Variants in ACACA observed in about 807,000 individuals in gnomAD.
ACACA encodes the protein acetyl-CoA carboxylase 1.
In ACACA, 103 loss-of-function variants were observed where a neutral mutation model predicts 296.1. That is an observed-to-expected ratio of 0.35 (90% CI 0.30 to 0.41). ACACA has a LOEUF of 0.41. Ranked by LOEUF, ACACA falls within the 10% of genes least tolerant of loss-of-function variation. The pLI, the probability that ACACA is intolerant of heterozygous loss-of-function variation, is 1.00. For missense variants in ACACA, 1,554 were observed against 2,989.7 expected (o/e 0.52, Z 11.20); for synonymous variants, 953 against 1,038.6 (o/e 0.92, Z 1.58).
At chr17:37,254,458 G>A (rs1471886636) in intron 14 of ACACA, among the ~76,000 whole-genome samples, 1 of 151,946 alleles carries the variant, frequency 6.6e-6, no homozygotes, top group African/African-American at 2.4e-5. Flanking sequence ...ACTGTCTTCT[G>A]GGATACCTTC....
intron 1 of ACACA, among the ~76,000 whole-genome samples, chr17:37,383,228 A>G (rs1568084527): frequency 1.3e-5 from 2 of 152,164 alleles, no homozygotes; most frequent in Non-Finnish European, 1.5e-5. Context: ...AGTGCTAGGC[A>G]TTGTGAGACT....
rs765019583 is a variant in ACACA at position 37,097,020 on chromosome 17, A to G, written c.6867T>C (p.Phe2289=). 1 of 1,614,150 alleles carries G rather than the reference A, an allele frequency of 6.2e-7. No individual in the cohort carries two copies. Residue 2289 remains phenylalanine (F), a synonymous_variant, in exon 54 of 56, where the codon TTT becomes TTC. Transcript: ENST00000616317. The surrounding 1 kb of genome is among the most constrained non-coding windows in gnomAD (Gnocchi z 4.8). ...GQIQAMLRRW[F]VEVEGTVKAY... ...CCTTCACTGTTCCTTCCACTTCCAC[A>G]AACCAGCGCCTTAACATGGCTTGAA...
At chr17:37,171,528 A>G (rs1241611952) in intron 41 of ACACA, among the ~76,000 whole-genome samples, 1 of 152,228 alleles carries the variant, frequency 6.6e-6, no homozygotes, top group Non-Finnish European at 1.5e-5. Flanking sequence ...ATAATACAAT[A>G]TGGAAAGGCA....
intron 1 of ACACA, among the ~76,000 whole-genome samples, chr17:37,351,571 G>A (rs908953642): frequency 6.6e-6 from 1 of 152,190 alleles, no homozygotes; most frequent in African/African-American, 2.4e-5. Context: ...TTAATTCCAT[G>A]CTACTCTGAT....
chr17:37,344,569 T>A (rs571917556), intron 1 of ACACA, among the ~76,000 whole-genome samples: 77 of 150,396 alleles, frequency 5.1e-4, no homozygotes, highest in South Asian at 4.2e-4. Flanking sequence ...AAAAAATAAA[T>A]AAAAATAAAT....
At chr17:37,167,572 G>C (rs1376100715) in intron 41 of ACACA, among the ~76,000 whole-genome samples, 1 of 151,744 alleles carries the variant, frequency 6.6e-6, no homozygotes, top group Non-Finnish European at 1.5e-5. Flanking sequence ...ACCTGCCTCG[G>C]CCTCCCAAAG....
At chr17:37,223,397 C>T in intron 28 of ACACA, 115 bp downstream of exon 28, 1 of 838,232 alleles carries the variant, frequency 1.2e-6, no homozygotes, top group South Asian at 1.4e-5. Flanking sequence ...GACTAACTAC[C>T]CTTAAGAACC....
At chr17:37,393,603 G>C (rs2050971362) in intron 1 of ACACA, among the ~76,000 whole-genome samples, 1 of 152,098 alleles carries the variant, frequency 6.6e-6, no homozygotes, top group African/African-American at 2.4e-5. Flanking sequence ...AGCACCTTGG[G>C]AGGCCGAGGT....
chr17:37,378,706 T>A (rs1213491656), intron 1 of ACACA, among the ~76,000 whole-genome samples: 1 of 151,874 alleles, frequency 6.6e-6, no homozygotes, highest in African/African-American at 2.4e-5. Context: ...AGAGCAAAAC[T>A]CTGGGCAACA....
intron 35 of ACACA, among the ~76,000 whole-genome samples, chr17:37,194,043 CA>C (rs1012340413): frequency 5.3e-5 from 8 of 150,158 alleles, no homozygotes; most frequent in Non-Finnish European, 1.0e-4. Context: ...GGGCATTATA[CA>C]AAAAAAAACC....
In ACACA at chr17:37,145,361, C is replaced by T. The variant is rs1052707189; in HGVS notation, c.5679+4503G>A. On this transcript the variant is annotated intron_variant, in intron 45 of 55. Transcript: ENST00000616317. ...TTCAAGCAGGGTAATTTGCCACACACATCAGGTCTGCCACGCAGTGAGGCA... is the reference window on the plus strand; with the variant it reads ...TTCAAGCAGGGTAATTTGCCACACATATCAGGTCTGCCACGCAGTGAGGCA... Among the ~76,000 whole-genome samples the T allele has an allele frequency of 2.6e-5, 4 of 152,310 alleles. No homozygotes were observed. The South Asian group carries it at 8.3e-4, about 32-fold the overall frequency.
At chr17:37,112,699 G>A (rs993148923) in intron 51 of ACACA, among the ~76,000 whole-genome samples, 2 of 152,232 alleles carry the variant, frequency 1.3e-5, no homozygotes, top group Non-Finnish European at 2.9e-5. Context: ...GGACAAGAGA[G>A]AAGCGGGCGG....
At chr17:37,178,583 C>A (rs1598081302) in intron 41 of ACACA, among the ~76,000 whole-genome samples, 1 of 152,114 alleles carries the variant, frequency 6.6e-6, no homozygotes, top group Admixed American at 6.6e-5. Flanking sequence ...CTGAGGCAGG[C>A]AGATTGCTTG....
intron 27 of ACACA, among the ~76,000 whole-genome samples, chr17:37,224,278 C>G (rs1225333251): frequency 6.6e-6 from 1 of 152,102 alleles, no homozygotes; most frequent in Non-Finnish European, 1.5e-5. Flanking sequence ...AGTTGAAACC[C>G]TAGATTTCAG....
intron 1 of ACACA, among the ~76,000 whole-genome samples, chr17:37,347,291 G>A (rs2048670848): frequency 6.6e-6 from 1 of 152,118 alleles, no homozygotes; most frequent in African/African-American, 2.4e-5. Context: ...AGGTCTCCCT[G>A]GCCATATAGC....
At chr17:37,136,246 T>C (rs2075327769) in intron 45 of ACACA, among the ~76,000 whole-genome samples, 1 of 152,066 alleles carries the variant, frequency 6.6e-6, no homozygotes, top group Admixed American at 6.5e-5. Context: ...CTAACAACCA[T>C]TGATCTTTTT....
chr17:37,307,359 G>A (rs1367025767), intron 3 of ACACA, among the ~76,000 whole-genome samples: 1 of 152,164 alleles, frequency 6.6e-6, no homozygotes, highest in African/African-American at 2.4e-5. Flanking sequence ...GTAAGAGTCA[G>A]TGTGTTCCAC....
chr17:37,278,910 G>A (rs1276328057), intron 5 of ACACA, among the ~76,000 whole-genome samples: 1 of 151,876 alleles, frequency 6.6e-6, no homozygotes, highest in Non-Finnish European at 1.5e-5. Context: ...ACATGTGCAG[G>A]ACATCCAGGT....
intron 1 of ACACA, among the ~76,000 whole-genome samples, chr17:37,353,091 A>C (rs1291262149): frequency 6.6e-6 from 1 of 152,204 alleles, no homozygotes; most frequent in Non-Finnish European, 1.5e-5. Flanking sequence ...CCAGTACTAA[A>C]TGTTCTATTA....
Sources: allele counts gnomAD v4.1 joint callset (sites outside exome capture counted in the v4.1 genomes callset), GRCh38; gene constraint gnomAD v4.1.1; non-coding constraint Gnocchi (gnomAD v3.1); transcripts MANE v1.5; gene names NCBI Gene and HGNC (gene_info 2026-07-23, HGNC 2026-07-21).